ITGA8: variants seen among roughly 807,000 people sequenced by gnomAD.
The protein encoded by ITGA8 is integrin subunit alpha 8, also known as integrin alpha-8.
A neutral mutation model predicts 142.3 loss-of-function variants in ITGA8; 91 were observed. The ratio of observed to expected loss-of-function variants is 0.64; its 90% confidence interval spans 0.54 to 0.76. The LOEUF (loss-of-function observed/expected upper bound fraction) is 0.76, where lower values mean the gene tolerates loss of function less well. Among genes scored for constraint, ITGA8 ranks in the 30% least tolerant of loss-of-function variants. ITGA8 has a pLI of 0.00. For missense variants in ITGA8, 1,406 were observed against 1,327.7 expected (o/e 1.06, Z -0.92); for synonymous variants, 505 against 485.2 (o/e 1.04, Z -0.54).
rs71374633 is a variant in ITGA8 at position 15,565,573 on chromosome 10, A to ATTTTTTTTTT, written c.2637+6628_2637+6637dup. Reference sequence around the variant, plus strand: ...ATAATCTTCTTCCTTTCATGTCCTGATTTTTTTTTTTTTTTTTTTTTTTTT... The same window carrying ATTTTTTTTTT: ...ATAATCTTCTTCCTTTCATGTCCTGATTTTTTTTTTTTTTTTTTTTTTTTTTTTTTTTTTT... On this transcript the variant is annotated intron_variant, in intron 25 of 29. Coordinates refer to ENST00000378076, the MANE Select transcript of ITGA8 (RefSeq NM_003638.3). 2.6e-3 allele frequency among the ~76,000 whole-genome samples: 91 copies of ATTTTTTTTTT among 34,782 alleles called. 15 individuals carry two copies. Among genetic ancestry groups the ATTTTTTTTTT allele is most frequent in the Non-Finnish European group, 3.6e-3 (70 of 19,696 alleles). 22.8% of individuals were successfully genotyped at this position (34,782 alleles called of 152,430 possible).
At position 15,525,594 on chromosome 10, in the gene ITGA8, A is replaced by G. The variant is rs1833157322; in HGVS notation, c.2982+5456T>C. Among the ~76,000 whole-genome samples the G allele has an allele frequency of 2.8e-5, 4 of 141,664 alleles. No individual in the cohort carries two copies. In the South Asian group the frequency reaches 6.9e-4, roughly 24 times the overall value. The allele number at this position is 141,664 out of a possible 152,430, so 92.9% of individuals were successfully genotyped here. ...GAGGCGGAGGTTGCAGTGAGCTGAC[A>G]TCATAGAGCCACTGCACTCCAGCCT... On this transcript the variant is annotated intron_variant, in intron 28 of 29. Transcript: ENST00000378076.
intron 13 of ITGA8, among the ~76,000 whole-genome samples, chr10:15,622,181 A>C (rs140794218): frequency 1.1e-3 from 162 of 152,046 alleles, no homozygotes; most frequent in African/African-American, 3.6e-3. Flanking sequence ...AAAACAAAAA[A>C]CAAAAAAGAA....
intron 27 of ITGA8, among the ~76,000 whole-genome samples, chr10:15,538,961 T>G (rs1309539568): frequency 2.0e-5 from 2 of 98,692 alleles, no homozygotes; most frequent in East Asian, 3.9e-4. Flanking sequence ...AGGTTTTTTT[T>G]TTTTTTTTTT....
rs1243893465 is a variant in ITGA8, at chr10:15,516,007, G to A, written c.*1151C>T. On this transcript the variant is annotated 3_prime_UTR_variant, in exon 30 of 30. Transcript: ENST00000378076. ...TTGGCTCATGCCTGTATAATTTTAT[G>A]TTTTTGTCTAAGTTATATTCAACAT... 1.6e-4 allele frequency: 24 copies of A among 152,102 alleles called. No individual in the cohort carries two copies. The highest frequency in any genetic ancestry group is 1.5e-3 in the Admixed American group (23 of 15,266). 9.4% of individuals were successfully genotyped at this position (152,102 alleles called of 1,614,324 possible).
At chr10:15,653,831 C>CTTTTTTT (rs111283505) in intron 11 of ITGA8, among the ~76,000 whole-genome samples, 1 of 130,006 alleles carries the variant, frequency 7.7e-6, no homozygotes, top group African/African-American at 2.8e-5. Context: ...TTTCTTTTTT[C>CTTTTTTT]TTTTTTTTTT....
intron 1 of ITGA8, 124 bp downstream of exon 1, chr10:15,719,439 G>A (rs1013753147): frequency 7.4e-6 from 6 of 807,144 alleles, no homozygotes; most frequent in Non-Finnish European, 9.1e-6. Context: ...GAGAGGGACG[G>A]GACCCCGGGC....
intron 13 of ITGA8, among the ~76,000 whole-genome samples, chr10:15,636,879 T>G (rs1330491701): frequency 6.6e-6 from 1 of 152,220 alleles, no homozygotes; most frequent in African/African-American, 2.4e-5. Context: ...CCACGGTGGC[T>G]CACACCTGTA....
At chr10:15,541,274 C>T (rs1178566244) in intron 27 of ITGA8, among the ~76,000 whole-genome samples, 1 of 152,164 alleles carries the variant, frequency 6.6e-6, no homozygotes, top group Non-Finnish European at 1.5e-5. Context: ...CATAGGGTTG[C>T]TTGAATTCTT....
chr10:15,613,349 A>T (rs115278725), intron 15 of ITGA8, among the ~76,000 whole-genome samples: 213 of 152,272 alleles, frequency 1.4e-3, no homozygotes, highest in Middle Eastern at 6.8e-3. Flanking sequence ...GATTTGTTTG[A>T]CTGGGAATTT....
chr10:15,698,858 G>A (rs1258769577), intron 2 of ITGA8, among the ~76,000 whole-genome samples: 2 of 152,090 alleles, frequency 1.3e-5, no homozygotes, highest in Non-Finnish European at 2.9e-5. Context: ...CCGCTCTGTG[G>A]GTTTTCTGTT....
chr10:15,517,164 C>T lies in ITGA8; in HGVS notation c.3186G>A (p.Glu1062=). The change falls in exon 30 of 30, where the codon GAG becomes GAA. Residue 1062 remains glutamate (E), a synonymous_variant. Transcript: ENST00000378076. ...REQLTNDKTP[E]A is the part of the protein sequence containing the mutation. Reference sequence around the variant, plus strand: ...GTCTTCTTTTTTTTTCTTGTCATGCCTCAGGGGTCTTGTCATTTGTCAGCT... The same window carrying T: ...GTCTTCTTTTTTTTTCTTGTCATGCTTCAGGGGTCTTGTCATTTGTCAGCT... 2 of 1,611,870 alleles carry T rather than the reference C, an allele frequency of 1.2e-6. No homozygotes were observed. The highest frequency in any genetic ancestry group is 2.2e-5 in the East Asian group (1 of 44,816).
chr10:15,538,490 C>T (rs183842786), intron 27 of ITGA8, among the ~76,000 whole-genome samples: 182 of 123,436 alleles, frequency 1.5e-3, no homozygotes, highest in African/African-American at 5.2e-3. Flanking sequence ...CCAGCCTGGG[C>T]GGCTGAGTGA....
rs771145478 is a variant in ITGA8, at chr10:15,660,927, G to A, written c.848-5C>T. 1.9e-6 allele frequency: 3 copies of A among 1,612,944 alleles called. No homozygotes were observed. The highest frequency in any genetic ancestry group is 2.7e-5 in the African/African-American group (2 of 74,840). The stretch of plus-strand genomic sequence containing the variant: ...TTGGAATTCCAGCAACCAATTCTGG[G>A]GATGAAAATAGCCATTTAGAAGGGG... On this transcript the variant is annotated splice_region_variant and splice_polypyrimidine_tract_variant and intron_variant, in intron 8 of 29. Coordinates refer to ENST00000378076, the MANE Select transcript of ITGA8 (RefSeq NM_003638.3).
intron 2 of ITGA8, among the ~76,000 whole-genome samples, chr10:15,703,323 C>T (rs1835199699): frequency 6.6e-6 from 1 of 152,098 alleles, no homozygotes; most frequent in South Asian, 2.1e-4. Flanking sequence ...CTTGAATAAC[C>T]AATAGTGCCT....
chr10:15,678,370 T>C (rs546570929), intron 5 of ITGA8, among the ~76,000 whole-genome samples: 1 of 152,208 alleles, frequency 6.6e-6, no homozygotes, highest in Non-Finnish European at 1.5e-5. Context: ...CAATTACAGT[T>C]AACAAAACAA....
intron 6 of ITGA8, among the ~76,000 whole-genome samples, chr10:15,676,023 A>G (rs929177050): frequency 9.2e-5 from 14 of 152,166 alleles, no homozygotes; most frequent in African/African-American, 3.4e-4. Flanking sequence ...TAAATTTTTT[A>G]TTAACATAAT....
intron 2 of ITGA8, among the ~76,000 whole-genome samples, chr10:15,716,993 A>T (rs529873614): frequency 1.8e-4 from 28 of 152,314 alleles, no homozygotes; most frequent in Non-Finnish European, 4.0e-4. Context: ...GAAAATTTTC[A>T]GTTAGGAGTG....
intron 4 of ITGA8, 150 bp downstream of exon 4, chr10:15,683,854 G>A (rs184913554): frequency 1.4e-4 from 108 of 751,524 alleles, no homozygotes; most frequent in Middle Eastern, 8.5e-4. Flanking sequence ...CAAGACACCT[G>A]TAAGGCTGAC....
chr10:15,694,102 C>T (rs979919131), intron 2 of ITGA8, among the ~76,000 whole-genome samples: 28 of 143,444 alleles, frequency 2.0e-4, no homozygotes, highest in African/African-American at 5.6e-4. Flanking sequence ...TATAATATAC[C>T]TATATATTAT....
Sources: allele counts gnomAD v4.1 joint callset (sites outside exome capture counted in the v4.1 genomes callset), GRCh38; gene constraint gnomAD v4.1.1; transcripts MANE v1.5; gene names NCBI Gene and HGNC (gene_info 2026-07-23, HGNC 2026-07-21).